SPSB4: variants seen among roughly 807,000 people sequenced by gnomAD.
The protein encoded by SPSB4 is splA/ryanodine receptor domain and SOCS box containing 4.
Under a neutral mutation model 20.9 loss-of-function variants are expected in SPSB4, and 21 were observed. The ratio of observed to expected loss-of-function variants is 1.01; its 90% CI spans 0.71 to 1.45. The LOEUF (loss-of-function observed/expected upper bound fraction) is 1.45, where lower values mean the gene tolerates loss of function less well. SPSB4 is among the 40% of genes most tolerant of loss of function. The pLI, the probability that SPSB4 is intolerant of heterozygous loss-of-function variation, is 0.00. For missense variants in SPSB4, 399 were observed against 399.2 expected (o/e 1.00, Z 0.00); for synonymous variants, 207 against 183.8 (o/e 1.13, Z -1.02).
intron 1 of SPSB4, among the ~76,000 whole-genome samples, chr3:141,065,426 C>A (rs1367382998): frequency 6.6e-6 from 1 of 152,200 alleles, no homozygotes; most frequent in African/African-American, 2.4e-5. Flanking sequence ...CACCCTACAG[C>A]CCTGTGTCTT....
chr3:141,101,143 G>A (rs1938607528), intron 2 of SPSB4, among the ~76,000 whole-genome samples: 1 of 151,562 alleles, frequency 6.6e-6, no homozygotes, highest in East Asian at 1.9e-4. Context: ...TTCTGAGGCT[G>A]GCAGTGAAGG....
At chr3:141,140,459 G>A (rs1349091854) in intron 2 of SPSB4, among the ~76,000 whole-genome samples, 1 of 152,124 alleles carries the variant, frequency 6.6e-6, no homozygotes, top group Non-Finnish European at 1.5e-5. Context: ...CATCTTTGTG[G>A]TTTTATCTAT....
In SPSB4 at chr3:141,066,692, C is replaced by A; in HGVS notation, c.588C>A (p.Tyr196Ter). Residue 196 changes from tyrosine (Y) to a stop codon, truncating the protein, a stop_gained, in exon 2 of 3, where the codon TAC becomes TAA. Coordinates refer to ENST00000310546, the MANE Select transcript of SPSB4 (RefSeq NM_080862.3). LOFTEE classifies it high-confidence loss of function. ...TCAGCTTCATCGTGGATGGCCAGTA[C>A]CTGGGCGTGGCCTTCCGAGGTCTCA... is the stretch of plus-strand genomic sequence containing the variant. Reference protein sequence around the residue: ...GTLSFIVDGQYLGVAFRGLKG... With the variant: ...GTLSFIVDGQ 3.7e-6 allele frequency: 6 copies of A among 1,613,230 alleles called. No individual in the cohort carries two copies. The South Asian group carries it at 4.4e-5, about 12-fold the overall frequency.
At chr3:141,140,295 T>C (rs1576544592) in intron 2 of SPSB4, among the ~76,000 whole-genome samples, 1 of 152,134 alleles carries the variant, frequency 6.6e-6, no homozygotes, top group Non-Finnish European at 1.5e-5. Context: ...TCCTTTAGCT[T>C]GGAGTAGTTT....
chr3:141,084,118 C>G (rs1938295990), intron 2 of SPSB4, among the ~76,000 whole-genome samples: 1 of 152,218 alleles, frequency 6.6e-6, no homozygotes, highest in Admixed American at 6.5e-5. Context: ...TGTGGATTTA[C>G]TTCCTCTCCC....
At chr3:141,146,699 A>G (rs1231424701) in intron 2 of SPSB4, among the ~76,000 whole-genome samples, 4 of 151,574 alleles carry the variant, frequency 2.6e-5, no homozygotes, top group African/African-American at 7.3e-5. Context: ...GCGTGAACCC[A>G]GGAGGCGGAG....
chr3:141,071,302 G>A (rs1937997849), intron 2 of SPSB4, among the ~76,000 whole-genome samples: 1 of 152,144 alleles, frequency 6.6e-6, no homozygotes, highest in Admixed American at 6.5e-5. Flanking sequence ...GAACGGCTTT[G>A]TCTCACATCT....
At chr3:141,075,151 A>T (rs1047734012) in intron 2 of SPSB4, among the ~76,000 whole-genome samples, 14 of 100,150 alleles carry the variant, frequency 1.4e-4, no homozygotes, top group Admixed American at 1.3e-3. Flanking sequence ...TGAAAAACAC[A>T]GCTGTGGGAG....
intron 2 of SPSB4, among the ~76,000 whole-genome samples, chr3:141,129,449 A>G (rs918401221): frequency 2.6e-5 from 4 of 152,222 alleles, no homozygotes; most frequent in Non-Finnish European, 5.9e-5. Flanking sequence ...CATCCCTGGT[A>G]TACAAGGCTA....
chr3:141,146,225 C>G (rs751259002), intron 2 of SPSB4, among the ~76,000 whole-genome samples: 42 of 152,248 alleles, frequency 2.8e-4, no homozygotes, highest in Middle Eastern at 6.8e-3. Context: ...GTTGGTTTAA[C>G]TGGTCCTATG....
intron 2 of SPSB4, among the ~76,000 whole-genome samples, chr3:141,136,721 C>T (rs185767668): frequency 1.3e-3 from 194 of 152,258 alleles, no homozygotes; most frequent in African/African-American, 4.4e-3. Flanking sequence ...GTACCAGTAC[C>T]GTGCTGTTTT....
intron 2 of SPSB4, among the ~76,000 whole-genome samples, chr3:141,084,977 G>T (rs577364428): frequency 6.6e-6 from 1 of 152,308 alleles, no homozygotes; most frequent in South Asian, 2.1e-4. Context: ...GAGCAGGAAG[G>T]CCAGGGCACT....
chr3:141,116,897 G>A (rs1221596108), intron 2 of SPSB4, among the ~76,000 whole-genome samples: 1 of 152,206 alleles, frequency 6.6e-6, no homozygotes, highest in Non-Finnish European at 1.5e-5. Flanking sequence ...ATTGGAAAGA[G>A]GATCCTGAAG....
At chr3:141,068,258 T>C (rs1034428537) in intron 2 of SPSB4, among the ~76,000 whole-genome samples, 1 of 152,214 alleles carries the variant, frequency 6.6e-6, no homozygotes, top group Admixed American at 6.5e-5. Context: ...TGCCTACAAT[T>C]GCCATTGAAT....
At chr3:141,092,361 A>G (rs1938469169) in intron 2 of SPSB4, among the ~76,000 whole-genome samples, 2 of 152,222 alleles carry the variant, frequency 1.3e-5, no homozygotes, top group African/African-American at 4.8e-5. Context: ...CCAGGGTGAA[A>G]TCAAACTACA....
At chr3:141,107,903 C>T (rs1027527556) in intron 2 of SPSB4, among the ~76,000 whole-genome samples, 6 of 151,716 alleles carry the variant, frequency 4.0e-5, no homozygotes, top group East Asian at 1.9e-4. Flanking sequence ...TGCAGTGAAC[C>T]GAGATCACAC....
intron 2 of SPSB4, among the ~76,000 whole-genome samples, chr3:141,097,084 G>A (rs577010550): frequency 6.6e-6 from 1 of 152,268 alleles, no homozygotes; most frequent in Admixed American, 6.5e-5. Context: ...TTTCTTGACA[G>A]TCTGTGATGG....
At chr3:141,079,705 G>GA (rs779221476) in intron 2 of SPSB4, among the ~76,000 whole-genome samples, 39 of 152,220 alleles carry the variant, frequency 2.6e-4, no homozygotes, top group Non-Finnish European at 5.0e-4. Flanking sequence ...ACATGCTTAT[G>GA]AAAATTCATA....
chr3:141,088,774 C>T (rs1022860874), intron 2 of SPSB4, among the ~76,000 whole-genome samples: 11 of 152,140 alleles, frequency 7.2e-5, no homozygotes, highest in South Asian at 2.1e-4. Flanking sequence ...CACACATTCT[C>T]TCTACTCTTC....
Sources: allele counts gnomAD v4.1 joint callset (sites outside exome capture counted in the v4.1 genomes callset), GRCh38; gene constraint gnomAD v4.1.1; transcripts MANE v1.5; gene names NCBI Gene and HGNC (gene_info 2026-07-23, HGNC 2026-07-21).